The following PPFIBP1 variants were observed in gnomAD, a reference collection of about 807,000 sequenced individuals.
The protein encoded by PPFIBP1 is liprin-beta-1.
A neutral mutation model predicts 137.8 loss-of-function variants in PPFIBP1; 112 were observed. The ratio of observed to expected loss-of-function variants is 0.81; its 90% CI spans 0.70 to 0.95. The LOEUF is 0.95. Ranked by LOEUF, PPFIBP1 falls within the 40% of genes least tolerant of loss-of-function variation. PPFIBP1 has a pLI of 0.00. For missense variants in PPFIBP1, 1,083 were observed against 1,196.6 expected (o/e 0.91, Z 1.40); for synonymous variants, 378 against 417.3 (o/e 0.91, Z 1.15).
At chr12:27,591,958 TG>T (rs1308742376) in intron 2 of PPFIBP1, among the ~76,000 whole-genome samples, 3 of 152,250 alleles carry the variant, frequency 2.0e-5, no homozygotes, top group African/African-American at 7.2e-5. Context: ...AGGAATGTGA[TG>T]GGTCACGCTG....
chr12:27,674,222 G>A lies in PPFIBP1; in HGVS notation c.1410+1G>A, dbSNP rs751468161. 27 of 1,589,006 alleles carry A rather than the reference G, an allele frequency of 1.7e-5. No individual in the cohort carries two copies. Among genetic ancestry groups the A allele is most frequent in the Non-Finnish European group, 1.9e-5 (22 of 1,166,006 alleles). ...GGAAACTATTCAGAAGACTTCAGAG[G>A]TAACTTTTTGTCCAAATTACAATGC... On this transcript the variant is annotated splice_donor_variant, in intron 17 of 29. Coordinates refer to ENST00000228425, the MANE Select transcript of PPFIBP1 (RefSeq NM_003622.4). LOFTEE classifies it high-confidence loss of function.
chr12:27,622,689 G>A (rs765501435), intron 2 of PPFIBP1, among the ~76,000 whole-genome samples: 4 of 152,186 alleles, frequency 2.6e-5, no homozygotes, highest in African/African-American at 4.8e-5. Context: ...GCAGAGCTTC[G>A]CTTTTCTTGG....
chr12:27,635,113 A>T lies in PPFIBP1; in HGVS notation c.268A>T (p.Met90Leu). Residue 90 changes from methionine to leucine, a missense_variant and splice_region_variant, in exon 4 of 30, where the codon ATG (methionine) becomes TTG (leucine). Met to Leu is a conservative substitution (Grantham distance 15). Coordinates refer to ENST00000228425, the MANE Select transcript of PPFIBP1 (RefSeq NM_003622.4). The part of the protein sequence containing the change: ...ETLVEWLQSQ[M>L]TNGHLPGNGD... Reference sequence around the variant, plus strand: ...GCTTGTTGAATGGCTTCAGAGTCAAATGGTAGGGTCTGCCTGTTCCAAATT... The same window carrying T: ...GCTTGTTGAATGGCTTCAGAGTCAATTGGTAGGGTCTGCCTGTTCCAAATT... The T allele has an allele frequency of 6.2e-7, 1 of 1,614,088 alleles. No individual in the cohort carries two copies. The highest frequency in any genetic ancestry group is 2.2e-5 in the East Asian group (1 of 44,878).
chr12:27,670,600 AC>A (rs2060118005), intron 13 of PPFIBP1, among the ~76,000 whole-genome samples: 1 of 152,056 alleles, frequency 6.6e-6, no homozygotes, highest in Admixed American at 6.5e-5. Flanking sequence ...ACATAGGGAA[AC>A]CGTGTTTCTA....
At chr12:27,553,012 G>C (rs1374086196) in intron 1 of PPFIBP1, among the ~76,000 whole-genome samples, 2 of 151,694 alleles carry the variant, frequency 1.3e-5, no homozygotes, top group Non-Finnish European at 2.9e-5. Context: ...GACTTAGCAG[G>C]GTTCTTTGCT....
chr12:27,610,647 C>T (rs1459444459), intron 2 of PPFIBP1, among the ~76,000 whole-genome samples: 2 of 152,170 alleles, frequency 1.3e-5, no homozygotes, highest in African/African-American at 4.8e-5. Context: ...TAAAACTGAT[C>T]ACTTTTAAAA....
Position 27,687,408 on chromosome 12 carries a change from T to C in PPFIBP1, c.2271T>C (p.Val757=), listed in dbSNP as rs1443411119. The change falls in exon 25 of 30, where the codon GTT becomes GTC. Residue 757 remains valine, a synonymous_variant. Coordinates refer to ENST00000228425, the MANE Select transcript of PPFIBP1 (RefSeq NM_003622.4). ...AGGATGACTTACTGTCTCTGAAGGT[T>C]GTAAGTGTGCTACACCATCTCAGTA... is the stretch of plus-strand genomic sequence containing the variant. ...MTVDDLLSLK[V]VSVLHHLSIK... 1 of 1,613,994 alleles carries C rather than the reference T, an allele frequency of 6.2e-7. No individual in the cohort carries two copies. The highest frequency in any genetic ancestry group is 2.2e-5 in the East Asian group (1 of 44,880).
intron 2 of PPFIBP1, among the ~76,000 whole-genome samples, chr12:27,629,162 G>C (rs4334058): frequency 0.026 from 3,978 of 152,260 alleles, 406 homozygotes; most frequent in Admixed American, 0.18. Flanking sequence ...TAATTCATCT[G>C]TTTCAAAGGC....
intron 1 of PPFIBP1, among the ~76,000 whole-genome samples, chr12:27,566,054 C>G (rs1439713574): frequency 6.6e-6 from 1 of 152,046 alleles, no homozygotes; most frequent in African/African-American, 2.4e-5. Flanking sequence ...CCTAATGGAT[C>G]ATGAAATTTT....
chr12:27,680,200 A>C (rs1163103119), intron 21 of PPFIBP1, 139 bp downstream of exon 21: 7 of 1,222,278 alleles, frequency 5.7e-6, no homozygotes, highest in Non-Finnish European at 6.7e-6. Flanking sequence ...CATCATCTTT[A>C]GAGCCGTGCA....
rs551112444 is a variant in PPFIBP1, at chr12:27,676,973, A to C, written c.1583-91A>C. 8.0e-5 allele frequency: 124 copies of C among 1,545,496 alleles called. 1 individual carries two copies. The South Asian group carries it at 1.4e-3, about 17-fold the overall frequency. On this transcript the variant is annotated intron_variant, in intron 18 of 29. Transcript: ENST00000228425. Reference sequence around the variant, plus strand: ...TCTCCTCCACGGTGTGTATTTGGCGAGGAGGAGTCTGATCTGCATTTCATT... The same window carrying C: ...TCTCCTCCACGGTGTGTATTTGGCGCGGAGGAGTCTGATCTGCATTTCATT...
At chr12:27,673,180 T>C (rs1231505639) in intron 15 of PPFIBP1, among the ~76,000 whole-genome samples, 1 of 152,224 alleles carries the variant, frequency 6.6e-6, no homozygotes, top group Non-Finnish European at 1.5e-5. Context: ...CAGCTCTATA[T>C]AATTGAATAT....
At position 27,679,634 on chromosome 12, in the gene PPFIBP1, T is replaced by A. The variant is rs779844630; in HGVS notation, c.1761T>A (p.Phe587Leu). Reference protein sequence around the residue: ...KKKSRGIMKLFGKLRRSQSTT... With the variant: ...KKKSRGIMKLLGKLRRSQSTT... ...AATCCAGAGGTATCATGAAACTCTT[T>A]GGAAAGTAAGTAAAGCAGTAAACAA... The change falls in exon 20 of 30, where the codon TTT becomes TTA. Residue 587 changes from phenylalanine to leucine, a missense_variant. By Grantham distance (22) the Phe-to-Leu change is conservative. Transcript: ENST00000228425. The A allele has an allele frequency of 6.2e-7, 1 of 1,613,558 alleles. No homozygotes were observed. The highest frequency in any genetic ancestry group is 1.3e-5 in the African/African-American group (1 of 74,864).
rs752238528 is a variant in PPFIBP1, at chr12:27,667,239, T to A, written c.1065T>A (p.Ser355Arg). ...ISSLLDAQGFSDLEKSPSPTP... is the reference protein window; with the variant it reads ...ISSLLDAQGFRDLEKSPSPTP... ...CTTTGCTGGATGCACAGGGTTTCAG[T>A]GATCTGGAGAAAAGTCCATCACCCA... The change falls in exon 13 of 30, where the codon AGT (serine) becomes AGA (arginine). Residue 355 changes from serine (S) to arginine (R), a missense_variant. Physicochemically the swap from Ser to Arg is moderately radical, Grantham distance 110. Transcript: ENST00000228425. 1 of 1,613,752 alleles carries A rather than the reference T, an allele frequency of 6.2e-7. No homozygotes were observed. Among genetic ancestry groups the A allele is most frequent in the Admixed American group, 1.7e-5 (1 of 59,950 alleles).
intron 1 of PPFIBP1, among the ~76,000 whole-genome samples, chr12:27,575,884 A>G (rs1194512771): frequency 1.3e-5 from 2 of 152,258 alleles, no homozygotes; most frequent in African/African-American, 2.4e-5. Context: ...GGAAATGACT[A>G]AAGTCTCTTC....
At chr12:27,615,266 T>C (rs955124695) in intron 2 of PPFIBP1, among the ~76,000 whole-genome samples, 8 of 152,238 alleles carry the variant, frequency 5.3e-5, no homozygotes, top group African/African-American at 1.7e-4. Context: ...TTCAGTAGGA[T>C]GTTAAGACGT....
intron 1 of PPFIBP1, among the ~76,000 whole-genome samples, chr12:27,540,832 C>G (rs538879193): frequency 2.0e-5 from 3 of 152,182 alleles, no homozygotes; most frequent in Admixed American, 1.3e-4. Flanking sequence ...TGTTTCTTAA[C>G]AAACTGTTCA....
intron 24 of PPFIBP1, among the ~76,000 whole-genome samples, chr12:27,683,593 G>GAGGA (rs1224605985): frequency 6.6e-6 from 1 of 152,116 alleles, no homozygotes; most frequent in African/African-American, 2.4e-5. Flanking sequence ...AAGGAGGAGG[G>GAGGA]AGGAAGGCTA....
rs116066526 is a variant in PPFIBP1, at chr12:27,580,882, A to G, written c.-36+2643A>G. 2.7e-3 allele frequency among the ~76,000 whole-genome samples: 404 copies of G among 152,024 alleles called. 1 individual carries two copies. Among genetic ancestry groups the G allele is most frequent in the African/African-American group, 9.0e-3 (372 of 41,412 alleles). ...AAACTAGGGTCATTTTGCACAAAGG[A>G]AATTTGTACTTTTATACATTATACT... On this transcript the variant is annotated intron_variant, in intron 2 of 29. Coordinates refer to ENST00000228425, the MANE Select transcript of PPFIBP1 (RefSeq NM_003622.4).
Sources: gnomAD v4.1 joint callset for allele counts (sites outside exome capture counted in the v4.1 genomes callset) on GRCh38, gnomAD v4.1.1 for gene constraint, MANE v1.5 for transcripts, NCBI Gene and HGNC (gene_info 2026-07-23, HGNC 2026-07-21) for gene names.